The following RSRC1 variants were observed in gnomAD, a reference collection of about 807,000 sequenced individuals.
The protein encoded by RSRC1 is serine/Arginine-related protein 53.
RSRC1 carries 39 observed loss-of-function variants against 49.1 expected under a neutral mutation model. The ratio of observed to expected loss-of-function variants is 0.79; its 90% CI spans 0.61 to 1.04. The LOEUF (loss-of-function observed/expected upper bound fraction) is 1.04, where lower values mean the gene tolerates loss of function less well. RSRC1 is among the 50% of genes least tolerant of loss of function. The pLI, the probability that RSRC1 is intolerant of heterozygous loss-of-function variation, is 0.00. For missense variants in RSRC1, 388 were observed against 402.4 expected (o/e 0.96, Z 0.31); for synonymous variants, 143 against 130.8 (o/e 1.09, Z -0.63).
chr3:158,216,208 A>G (rs1167509392), intron 4 of RSRC1, among the ~76,000 whole-genome samples: 1 of 150,996 alleles, frequency 6.6e-6, no homozygotes, highest in East Asian at 2.0e-4. Flanking sequence ...TGACTTTCTC[A>G]ATTTTGTTTT....
chr3:158,136,201 T>TA (rs1225178855), intron 3 of RSRC1, among the ~76,000 whole-genome samples: 1 of 152,188 alleles, frequency 6.6e-6, no homozygotes, highest in African/African-American at 2.4e-5. Context: ...TATAAAGTAT[T>TA]ATGCTCATTC....
At chr3:158,298,309 T>A (rs1054770680) in intron 5 of RSRC1, among the ~76,000 whole-genome samples, 1 of 152,060 alleles carries the variant, frequency 6.6e-6, no homozygotes, top group Non-Finnish European at 1.5e-5. Context: ...ATAAAATGGA[T>A]GACAATCCTT....
intron 7 of RSRC1, among the ~76,000 whole-genome samples, chr3:158,507,257 G>T (rs1462700625): frequency 1.3e-5 from 2 of 152,066 alleles, no homozygotes; most frequent in African/African-American, 2.4e-5. Flanking sequence ...AGGATGAAGA[G>T]AAGTTGGTTA....
intron 4 of RSRC1, among the ~76,000 whole-genome samples, chr3:158,204,592 G>A (rs369104144): frequency 3.9e-5 from 6 of 152,322 alleles, no homozygotes; most frequent in Admixed American, 1.3e-4. Flanking sequence ...GGTAACGGGA[G>A]AAAGTCAGTA....
intron 6 of RSRC1, among the ~76,000 whole-genome samples, chr3:158,383,169 G>A (rs1403442437): frequency 2.6e-5 from 4 of 152,106 alleles, no homozygotes; most frequent in Admixed American, 2.0e-4. Context: ...AACCCCTTAA[G>A]GACATCGCTG....
At chr3:158,464,783 A>G (rs935954730) in intron 7 of RSRC1, among the ~76,000 whole-genome samples, 1 of 152,080 alleles carries the variant, frequency 6.6e-6, no homozygotes, top group African/African-American at 2.4e-5. Flanking sequence ...CATGAACTCT[A>G]TACGGTTTGT....
chr3:158,218,153 T>G (rs1722053835), intron 4 of RSRC1, among the ~76,000 whole-genome samples: 1 of 151,620 alleles, frequency 6.6e-6, no homozygotes, highest in Non-Finnish European at 1.5e-5. Flanking sequence ...AGGATTTTGG[T>G]CTCTATCTTA....
chr3:158,290,050 A>G (rs1726832120), intron 4 of RSRC1, among the ~76,000 whole-genome samples: 2 of 150,366 alleles, frequency 1.3e-5, no homozygotes, highest in South Asian at 4.3e-4. Context: ...GCTGAAAATT[A>G]TATGAAGATT....
At chr3:158,262,053 G>T (rs1275264839) in intron 4 of RSRC1, among the ~76,000 whole-genome samples, 1 of 152,082 alleles carries the variant, frequency 6.6e-6, no homozygotes. Context: ...GTGCCAAAAA[G>T]GTTGGGAACT....
At chr3:158,208,874 ATCTAAG>A (rs1721498654) in intron 4 of RSRC1, among the ~76,000 whole-genome samples, 1 of 152,196 alleles carries the variant, frequency 6.6e-6, no homozygotes, top group Non-Finnish European at 1.5e-5. Context: ...TATACATCCT[ATCTAAG>A]TCTTCTGTGG....
rs141062407 is a variant in RSRC1, at chr3:158,537,199, G to A, written c.759+1G>A. ...CAGATCAAGTAAAGAAGTCAAAAAG[G>A]TAAGTTTTTATCCACCCATTATGAG... On this transcript the variant is annotated splice_donor_variant, in intron 8 of 9. Coordinates refer to ENST00000611884, the MANE Select transcript of RSRC1 (RefSeq NM_001271838.2). LOFTEE classifies it high-confidence loss of function. 6.4e-7 allele frequency: 1 copy of A among 1,562,568 alleles called. No individual in the cohort carries two copies. Among genetic ancestry groups the A allele is most frequent in the South Asian group, 1.2e-5 (1 of 83,792 alleles).
At chr3:158,229,355 C>T (rs1176195345) in intron 4 of RSRC1, among the ~76,000 whole-genome samples, 1 of 96,180 alleles carries the variant, frequency 1.0e-5, no homozygotes, top group Non-Finnish European at 2.2e-5. Context: ...TATATATATA[C>T]ACATATACAC....
At chr3:158,126,181 G>T (rs1259211940) in intron 3 of RSRC1, among the ~76,000 whole-genome samples, 1 of 152,054 alleles carries the variant, frequency 6.6e-6, no homozygotes, top group African/African-American at 2.4e-5. Flanking sequence ...CTACTTTTGT[G>T]TGTTTTGTTT....
chr3:158,324,198 T>C (rs938487778), intron 5 of RSRC1, among the ~76,000 whole-genome samples: 1 of 151,650 alleles, frequency 6.6e-6, no homozygotes. Context: ...AATCATTTGC[T>C]CTTTTAGATA....
intron 4 of RSRC1, among the ~76,000 whole-genome samples, chr3:158,258,012 AGGTT>A (rs1724669091): frequency 6.6e-6 from 1 of 151,986 alleles, no homozygotes; most frequent in Non-Finnish European, 1.5e-5. Context: ...GTGAGTTGGA[AGGTT>A]GTTAGTATTT....
chr3:158,111,317 G>A (rs1288003502), intron 1 of RSRC1, among the ~76,000 whole-genome samples: 1 of 152,186 alleles, frequency 6.6e-6, no homozygotes, highest in African/African-American at 2.4e-5. Flanking sequence ...CAATAAGAGG[G>A]CTAAAAATGT....
intron 3 of RSRC1, among the ~76,000 whole-genome samples, chr3:158,189,158 T>C (rs1221919487): frequency 6.6e-6 from 1 of 151,918 alleles, no homozygotes; most frequent in Non-Finnish European, 1.5e-5. Flanking sequence ...TTTTCTTCCT[T>C]AATTGCACTA....
chr3:158,200,061 G>A (rs943774618), intron 3 of RSRC1, among the ~76,000 whole-genome samples: 2 of 151,232 alleles, frequency 1.3e-5, no homozygotes, highest in Non-Finnish European at 2.9e-5. Context: ...TTTTTGAGAC[G>A]GAGTCTTGTT....
intron 1 of RSRC1, among the ~76,000 whole-genome samples, chr3:158,119,124 A>G (rs1294010330): frequency 6.6e-6 from 1 of 152,194 alleles, no homozygotes; most frequent in East Asian, 1.9e-4. Flanking sequence ...CTGGCTGGGT[A>G]GAATGGAGGG....
Sources: allele counts gnomAD v4.1 joint callset (sites outside exome capture counted in the v4.1 genomes callset), GRCh38; gene constraint gnomAD v4.1.1; transcripts MANE v1.5; gene names NCBI Gene and HGNC (gene_info 2026-07-23, HGNC 2026-07-21).